RARRES1: variants seen among roughly 807,000 people sequenced by gnomAD.
The protein encoded by RARRES1 is retinoic acid receptor responder protein 1.
RARRES1 carries 34 observed loss-of-function variants against 30.6 expected under a neutral mutation model. The ratio of observed to expected loss-of-function variants is 1.11; its 90% CI spans 0.84 to 1.48. RARRES1 has a LOEUF of 1.48. Among genes scored for constraint, RARRES1 ranks in the 40% most tolerant of loss-of-function variants. The pLI is 0.00. For missense variants in RARRES1, 373 were observed against 386.5 expected (o/e 0.97, Z 0.29); for synonymous variants, 153 against 155.5 (o/e 0.98, Z 0.12).
intron 1 of RARRES1, among the ~76,000 whole-genome samples, chr3:158,714,898 T>C (rs561936183): frequency 6.6e-5 from 10 of 152,362 alleles, no homozygotes; most frequent in African/African-American, 2.2e-4. Flanking sequence ...TTATTTTATT[T>C]TAAATAGACC....
intron 1 of RARRES1, among the ~76,000 whole-genome samples, chr3:158,715,715 T>C (rs1278051624): frequency 6.6e-6 from 1 of 152,100 alleles, no homozygotes; most frequent in Non-Finnish European, 1.5e-5. Context: ...AGTTCAAGGA[T>C]AGGGGATGTT....
intron 1 of RARRES1, among the ~76,000 whole-genome samples, chr3:158,729,465 A>G (rs2108157118): frequency 6.6e-6 from 1 of 151,990 alleles, no homozygotes; most frequent in East Asian, 1.9e-4. Flanking sequence ...TTATTTATTT[A>G]TTTGAGACGG....
chr3:158,715,993 C>T (rs1727310388), intron 1 of RARRES1, among the ~76,000 whole-genome samples: 1 of 152,214 alleles, frequency 6.6e-6, no homozygotes, highest in Admixed American at 6.5e-5. Context: ...GGTTCTAAGC[C>T]TTGAATGGGT....
intron 1 of RARRES1, among the ~76,000 whole-genome samples, chr3:158,722,950 A>G (rs189776160): frequency 1.3e-5 from 2 of 152,260 alleles, no homozygotes; most frequent in East Asian, 3.9e-4. Flanking sequence ...CGTGGAGCAA[A>G]TAAAAGAGCA....
chr3:158,696,967 C>T lies in RARRES1; in HGVS notation c.*711G>A, dbSNP rs529841445. 1 of 152,296 alleles carries T rather than the reference C, an allele frequency of 6.6e-6. No individual in the cohort carries two copies. The highest frequency in any genetic ancestry group is 1.9e-4 in the East Asian group (1 of 5,186). The allele number at this position is 152,296 out of a possible 1,614,324, so 9.4% of individuals were successfully genotyped here. On this transcript the variant is annotated 3_prime_UTR_variant, in exon 6 of 6. Coordinates refer to ENST00000237696, the MANE Select transcript of RARRES1 (RefSeq NM_206963.2). ...CAGTGTTTCTTTTGATGCATGTTTGCAGACAGCTTTATCTGGTGAGACAGA... is the reference window on the plus strand; with the variant it reads ...CAGTGTTTCTTTTGATGCATGTTTGTAGACAGCTTTATCTGGTGAGACAGA...
intron 1 of RARRES1, among the ~76,000 whole-genome samples, chr3:158,718,918 T>G (rs1282613537): frequency 1.3e-5 from 2 of 152,166 alleles, no homozygotes; most frequent in African/African-American, 2.4e-5. Context: ...TGACCAACAA[T>G]TCTAGCTTTC....
In RARRES1 at chr3:158,706,731, A is replaced by G. The variant is rs74553304; in HGVS notation, c.536-1804T>C. 3.5e-3 allele frequency among the ~76,000 whole-genome samples: 537 copies of G among 152,342 alleles called. 3 individuals are homozygous for G. The highest frequency in any genetic ancestry group is 0.012 in the African/African-American group (512 of 41,576). ...TTAGTAGATTAGTTGATAATGACCA[A>G]AGTTTCTAGCCAACTCTAGGAGAAT... is the stretch of plus-strand genomic sequence containing the variant. On this transcript the variant is annotated intron_variant, in intron 3 of 5. Coordinates refer to ENST00000237696, the MANE Select transcript of RARRES1 (RefSeq NM_206963.2).
intron 3 of RARRES1, among the ~76,000 whole-genome samples, chr3:158,708,858 C>T (rs1242326072): frequency 6.6e-6 from 1 of 152,052 alleles, no homozygotes; most frequent in East Asian, 1.9e-4. Flanking sequence ...GGGGTTTCAC[C>T]GTGTTAGCCA....
intron 4 of RARRES1, chr3:158,698,178 T>C (rs1197465880): frequency 1.9e-6 from 1 of 528,698 alleles, no homozygotes; most frequent in South Asian, 2.3e-5. Flanking sequence ...GAAAGTCTGG[T>C]TGAATGTCTG....
rs1206031520 is a variant in RARRES1, at chr3:158,732,443, G to T, written c.-28C>A. The T allele has an allele frequency of 1.3e-6, 2 of 1,517,450 alleles. No individual in the cohort carries two copies. The highest frequency in any genetic ancestry group is 4.0e-5 in the Admixed American group (2 of 50,106). 94.0% of individuals were successfully genotyped at this position (1,517,450 alleles called of 1,614,324 possible). On this transcript the variant is annotated 5_prime_UTR_variant, in exon 1 of 6. Transcript: ENST00000237696. ...ACGCAGGAAAGTTGGCTCGGCACCC[G>T]ACAGACACGGGCTCGGAGCGGGCAG...
chr3:158,732,355 TG>T lies in RARRES1; in HGVS notation c.60del (p.Thr21ProfsTer123). Reference protein sequence around the residue: ...APWSGPRGPRPTAPLLALLLL... With the variant: ...APWSGPRGPRXTAPLLALLLL... ...AGCAGCAGCGCGAGCAGCGGGGCGG[TG>T]GGGCGCGGGCCCCTGGGCCCGGACC... On this transcript the variant is annotated frameshift_variant, in exon 1 of 6. Coordinates refer to ENST00000237696, the MANE Select transcript of RARRES1 (RefSeq NM_206963.2). LOFTEE classifies it high-confidence loss of function. 1 of 1,448,456 alleles carries T rather than the reference TG, an allele frequency of 6.9e-7. No individual in the cohort carries two copies. The highest frequency in any genetic ancestry group is 9.0e-7 in the Non-Finnish European group (1 of 1,107,728). The allele number at this position is 1,448,456 out of a possible 1,614,324, so 89.7% of individuals were successfully genotyped here.
At chr3:158,720,411 G>A (rs1727479097) in intron 1 of RARRES1, among the ~76,000 whole-genome samples, 1 of 143,700 alleles carries the variant, frequency 7.0e-6, no homozygotes, top group Non-Finnish European at 1.5e-5. Context: ...AGTGTGCTAG[G>A]GCTCCCGTAA....
Position 158,697,949 on chromosome 3 carries a change from C to T in RARRES1, c.694G>A (p.Asp232Asn). The T allele has an allele frequency of 6.5e-7, 1 of 1,532,824 alleles. No homozygotes were observed. The allele number at this position is 1,532,824 out of a possible 1,614,324, so 95.0% of individuals were successfully genotyped here. Residue 232 changes from aspartate to asparagine, a missense_variant, in exon 5 of 6, where the codon GAT becomes AAT. Coordinates refer to ENST00000237696, the MANE Select transcript of RARRES1 (RefSeq NM_206963.2). ...TGAAGTAGAACAGTATAATCAAAATCAATTGTATCATCATTAGTTTTCTAG... is the reference window on the plus strand; with the variant it reads ...TGAAGTAGAACAGTATAATCAAAATTAATTGTATCATCATTAGTTTTCTAG... The part of the protein sequence containing the change: ...RQWKTNDDTI[D>N]FDYTVLLHEL...
chr3:158,701,085 C>G (rs1726706548), intron 4 of RARRES1, among the ~76,000 whole-genome samples: 1 of 152,150 alleles, frequency 6.6e-6, no homozygotes. Context: ...TGAAGATGAG[C>G]TGACTGATAG....
chr3:158,705,871 TCTTAAAA>T (rs1361324786), intron 3 of RARRES1, among the ~76,000 whole-genome samples: 2 of 152,212 alleles, frequency 1.3e-5, no homozygotes, highest in African/African-American at 4.8e-5. Flanking sequence ...CAAACATCTT[TCTTAAAA>T]CTTAAACAAT....
chr3:158,710,941 GTTAAACAGGATACT>G lies in RARRES1; in HGVS notation c.340-22_340-9del. The G allele has an allele frequency of 6.2e-7, 1 of 1,610,544 alleles. No homozygotes were observed. Among genetic ancestry groups the G allele is most frequent in the Non-Finnish European group, 8.5e-7 (1 of 1,177,290 alleles). On this transcript the variant is annotated splice_polypyrimidine_tract_variant and intron_variant, in intron 2 of 5. Coordinates refer to ENST00000237696, the MANE Select transcript of RARRES1 (RefSeq NM_206963.2). ...ACCTTCCTGAAGTAAAGACTGTGGA[GTTAAACAGGATACT>G]TTATCACCTCCCACTCACCCCAGTG...
At chr3:158,702,923 C>G (rs1482717600) in intron 4 of RARRES1, among the ~76,000 whole-genome samples, 2 of 152,150 alleles carry the variant, frequency 1.3e-5, no homozygotes, top group Admixed American at 6.5e-5. Context: ...TACATGTGGT[C>G]TTTGGAAAGC....
rs543734207 is a variant in RARRES1, at chr3:158,703,917, A to T, written c.672+874T>A. On this transcript the variant is annotated intron_variant, in intron 4 of 5. Transcript: ENST00000237696. ...TGAACTTCAGACTCTTCTGTCCAGA[A>T]GATTATACAAATTCTCTGTTTGGTT... is the stretch of plus-strand genomic sequence containing the variant. Among the ~76,000 whole-genome samples, 16 of 152,318 alleles carry T rather than the reference A, an allele frequency of 1.1e-4. No homozygotes were observed. The South Asian group carries it at 3.3e-3, about 32-fold the overall frequency.
chr3:158,719,180 A>T (rs932845202), intron 1 of RARRES1, among the ~76,000 whole-genome samples: 3 of 152,108 alleles, frequency 2.0e-5, no homozygotes, highest in African/African-American at 2.4e-5. Context: ...GTAGATTTTT[A>T]AAAAATTATG....
Sources: allele counts gnomAD v4.1 joint callset (sites outside exome capture counted in the v4.1 genomes callset), GRCh38; gene constraint gnomAD v4.1.1; transcripts MANE v1.5; gene names NCBI Gene and HGNC (gene_info 2026-07-23, HGNC 2026-07-21).